ZNF462: variants seen among roughly 807,000 people sequenced by gnomAD.
ZNF462 encodes the protein zinc finger protein 462, also known as zinc finger PBX1-interacting protein.
A neutral mutation model predicts 201.9 loss-of-function variants in ZNF462; 10 were observed. The observed-to-expected ratio is 0.05, with a 90% CI of 0.03 to 0.08. The LOEUF (loss-of-function observed/expected upper bound fraction) is 0.08, where lower values mean the gene tolerates loss of function less well. ZNF462 is among the 10% of genes least tolerant of loss of function. ZNF462 has a pLI of 1.00. For missense variants in ZNF462, 2,523 were observed against 3,168.3 expected, an observed-to-expected ratio of 0.80 and a Z score of 4.89; for synonymous variants, 1,227 against 1,193.3, an observed-to-expected ratio of 1.03 and a Z score of -0.58.
At position 106,919,293 on chromosome 9, in the gene ZNF462, C is replaced by T. The variant is rs770874556; in HGVS notation, c.-30-4061C>T. On this transcript the variant is annotated intron_variant, in intron 1 of 12. Coordinates refer to ENST00000277225, the MANE Select transcript of ZNF462 (RefSeq NM_021224.6). The surrounding 1 kb of genome is among the most constrained non-coding windows in gnomAD (Gnocchi z 4.5). ...ATGCTGTACAATGTCAACACCTCCC[C>T]GCTCCGGTTACGTCTGAGCAGTGAG... 2.0e-5 allele frequency among the ~76,000 whole-genome samples: 3 copies of T among 152,176 alleles called. No individual in the cohort carries two copies. The highest frequency in any genetic ancestry group is 4.8e-5 in the African/African-American group (2 of 41,432).
At position 107,011,970 on chromosome 9, in the gene ZNF462, T is replaced by A. The variant is rs893158003; in HGVS notation, c.*940T>A. On this transcript the variant is annotated 3_prime_UTR_variant, in exon 13 of 13. Transcript: ENST00000277225. The surrounding 1 kb of genome is among the most constrained non-coding windows in gnomAD (Gnocchi z 5.6). ...TTTGAGTGTTACAAACACAGCACAATTCAGTTTTTCATATGAATTGTTTTT... is the reference window on the plus strand; with the variant it reads ...TTTGAGTGTTACAAACACAGCACAAATCAGTTTTTCATATGAATTGTTTTT... The A allele has an allele frequency of 6.6e-6, 1 of 152,120 alleles. No homozygotes were observed. The highest frequency in any genetic ancestry group is 1.5e-5 in the Non-Finnish European group (1 of 68,034). 9.4% of individuals were successfully genotyped at this position (152,120 alleles called of 1,614,324 possible).
chr9:106,878,337 C>T (rs1342906458), intron 1 of ZNF462, among the ~76,000 whole-genome samples: 1 of 152,194 alleles, frequency 6.6e-6, no homozygotes, highest in African/African-American at 2.4e-5. Flanking sequence ...TAGGGGCCAC[C>T]CAATGCCTCT....
chr9:106,935,448 C>T lies in ZNF462; in HGVS notation c.6117-55C>T. ...CTGGAAAAAAAGCAATGAGCAAATC[C>T]TCTATGCAATTTTTAATTTTGTCAT... On this transcript the variant is annotated intron_variant, in intron 5 of 12. Transcript: ENST00000277225. The surrounding 1 kb of genome is among the most constrained non-coding windows in gnomAD (Gnocchi z 4.1). 6.6e-7 allele frequency: 1 copy of T among 1,525,754 alleles called. No individual in the cohort carries two copies. Among genetic ancestry groups the T allele is most frequent in the South Asian group, 1.1e-5 (1 of 88,690 alleles). The allele number at this position is 1,525,754 out of a possible 1,614,324, so 94.5% of individuals were successfully genotyped here.
At chr9:106,995,044 A>T (rs1055042509) in intron 10 of ZNF462, among the ~76,000 whole-genome samples, 5 of 152,154 alleles carry the variant, frequency 3.3e-5, no homozygotes, top group African/African-American at 1.2e-4. Context: ...AAAATGTGGT[A>T]GCATCCATTA....
intron 9 of ZNF462, among the ~76,000 whole-genome samples, chr9:106,980,101 A>C (rs1207813997): frequency 6.6e-6 from 1 of 152,060 alleles, no homozygotes; most frequent in African/African-American, 2.4e-5. Flanking sequence ...TTCTCCAAAT[A>C]CCTTTGCCTG....
chr9:107,007,430 G>A (rs1052670695), intron 11 of ZNF462, among the ~76,000 whole-genome samples: 2 of 152,142 alleles, frequency 1.3e-5, no homozygotes, highest in Admixed American at 1.3e-4. Flanking sequence ...ACTGGAAAAA[G>A]TATAGTGTCC....
rs1829930899 is a variant in ZNF462 at position 107,011,654 on chromosome 9, G to A, written c.*624G>A. ...AGAGAGAACTGCTGGGCAAGATGGT[G>A]AATGGAGAAAAAAAAAGAGTTTTAA... On this transcript the variant is annotated 3_prime_UTR_variant, in exon 13 of 13. Coordinates refer to ENST00000277225, the MANE Select transcript of ZNF462 (RefSeq NM_021224.6). The surrounding 1 kb of genome is among the most constrained non-coding windows in gnomAD (Gnocchi z 5.6). 6.6e-6 allele frequency: 1 copy of A among 151,866 alleles called. No homozygotes were observed. The highest frequency in any genetic ancestry group is 2.4e-5 in the African/African-American group (1 of 41,376). 9.4% of individuals were successfully genotyped at this position (151,866 alleles called of 1,614,324 possible).
At chr9:106,949,578 C>CT (rs999083185) in intron 7 of ZNF462, among the ~76,000 whole-genome samples, 6 of 152,162 alleles carry the variant, frequency 3.9e-5, no homozygotes, top group African/African-American at 1.4e-4. Flanking sequence ...CAACTAATTC[C>CT]TTTTTTTCCA....
intron 6 of ZNF462, among the ~76,000 whole-genome samples, chr9:106,936,076 G>A (rs574575027): frequency 3.3e-5 from 5 of 152,366 alleles, no homozygotes; most frequent in South Asian, 4.1e-4. Context: ...ATATGTTTCC[G>A]TACATAAGAC....
rs1826801114 is a variant in ZNF462 at position 106,974,037 on chromosome 9, G to A, written c.6696-100G>A. 6.7e-7 allele frequency: 1 copy of A among 1,481,700 alleles called. No homozygotes were observed. The highest frequency in any genetic ancestry group is 1.3e-5 in the South Asian group (1 of 79,930). The allele number at this position is 1,481,700 out of a possible 1,614,324, so 91.8% of individuals were successfully genotyped here. A position where few individuals can be genotyped will look rare whatever the true frequency, so the allele number is the denominator to read the frequency against. On this transcript the variant is annotated intron_variant, in intron 8 of 12. Transcript: ENST00000277225. This position sits in a 1 kb window ranked among gnomAD's most constrained non-coding sequence, Gnocchi z 4.0. The stretch of plus-strand genomic sequence containing the variant: ...TTTTTTTAGCCCCACAAGCAGGAGA[G>A]CCGCACTTGGACATATATAACGGGT...
rs1288242844 is a variant in ZNF462 at position 106,890,041 on chromosome 9, T to C, written c.-31+26686T>C. 6.6e-6 allele frequency among the ~76,000 whole-genome samples: 1 copy of C among 152,204 alleles called. No individual in the cohort carries two copies. The highest frequency in any genetic ancestry group is 2.4e-5 in the African/African-American group (1 of 41,444). On this transcript the variant is annotated intron_variant, in intron 1 of 12. Coordinates refer to ENST00000277225, the MANE Select transcript of ZNF462 (RefSeq NM_021224.6). This position sits in a 1 kb window ranked among gnomAD's most constrained non-coding sequence, Gnocchi z 4.2. Reference sequence around the variant, plus strand: ...GTGTGACCATTTCTTTGTTTTATGCTCTAGTGTAGAGCTTGACTCCACCTT... The same window carrying C: ...GTGTGACCATTTCTTTGTTTTATGCCCTAGTGTAGAGCTTGACTCCACCTT...
At position 106,932,335 on chromosome 9, in the gene ZNF462, G is replaced by T. The variant is rs755008509; in HGVS notation, c.6013-111G>T. 2.6e-6 allele frequency: 4 copies of T among 1,566,438 alleles called. 1 individual carries two copies. The highest frequency in any genetic ancestry group is 3.3e-4 in the Middle Eastern group (2 of 6,008). On this transcript the variant is annotated intron_variant, in intron 4 of 12. Coordinates refer to ENST00000277225, the MANE Select transcript of ZNF462 (RefSeq NM_021224.6). The surrounding 1 kb of genome is among the most constrained non-coding windows in gnomAD (Gnocchi z 6.8). ...AGCCAAAGACGCCAGTGGCGCCCTGGTGGGCCGGGTGGATGGTGAACACTG... is the reference window on the plus strand; with the variant it reads ...AGCCAAAGACGCCAGTGGCGCCCTGTTGGGCCGGGTGGATGGTGAACACTG...
At chr9:107,004,316 T>C (rs1437374950) in intron 11 of ZNF462, among the ~76,000 whole-genome samples, 6 of 152,222 alleles carry the variant, frequency 3.9e-5, no homozygotes, top group African/African-American at 1.4e-4. Context: ...AGCATCATTA[T>C]GTGCTAGCCT....
At chr9:106,881,586 G>A (rs1449562286) in intron 1 of ZNF462, among the ~76,000 whole-genome samples, 6 of 152,174 alleles carry the variant, frequency 3.9e-5, no homozygotes, top group Non-Finnish European at 8.8e-5. Flanking sequence ...CTTTGAGTTT[G>A]TATTAAACAC....
chr9:106,910,525 T>A (rs932425265), intron 1 of ZNF462, among the ~76,000 whole-genome samples: 1 of 152,132 alleles, frequency 6.6e-6, no homozygotes, highest in Non-Finnish European at 1.5e-5. Context: ...TCTTGATGGC[T>A]TGACTTGCTT....
intron 10 of ZNF462, among the ~76,000 whole-genome samples, chr9:107,002,677 T>C (rs1278755700): frequency 6.6e-6 from 1 of 152,182 alleles, no homozygotes; most frequent in Non-Finnish European, 1.5e-5. Context: ...TAGGTTTTTC[T>C]CAGATAATCC....
At chr9:106,969,377 C>T (rs746673187) in intron 7 of ZNF462, among the ~76,000 whole-genome samples, 1 of 152,086 alleles carries the variant, frequency 6.6e-6, no homozygotes, top group Non-Finnish European at 1.5e-5. Context: ...TGTATAAATA[C>T]CAGAGTTAAA....
In ZNF462 at chr9:106,927,109, C is replaced by T; in HGVS notation, c.3197C>T (p.Thr1066Ile). The T allele has an allele frequency of 6.2e-7, 1 of 1,614,160 alleles. No homozygotes were observed. Among genetic ancestry groups the T allele is most frequent in the Non-Finnish European group, 8.5e-7 (1 of 1,180,040 alleles). ...GCTTCCTACTTTAGGATCCAGAAAA[C>T]TATGCGAATGGTGTCTGTGGACAGG... ...EKASYFRIQK[T>I]MRMVSVDRGS... The change falls in exon 3 of 13, where the codon ACT (threonine) becomes ATT (isoleucine). Residue 1066 changes from threonine (T) to isoleucine (I), a missense_variant. This residue lies in a region of ZNF462 where 280 missense variants were observed against 321.3 expected (regional missense o/e 0.87). Transcript: ENST00000277225.
In ZNF462 at chr9:106,876,194, T is replaced by C. The variant is rs1192418297; in HGVS notation, c.-31+12839T>C. Reference sequence around the variant, plus strand: ...TTGAGTAAGTCATTTATCCTTTCTGTCCCCATGATTTCCTACCCAGTAAAA... The same window carrying C: ...TTGAGTAAGTCATTTATCCTTTCTGCCCCCATGATTTCCTACCCAGTAAAA... On this transcript the variant is annotated intron_variant, in intron 1 of 12. Coordinates refer to ENST00000277225, the MANE Select transcript of ZNF462 (RefSeq NM_021224.6). The surrounding 1 kb of genome is among the most constrained non-coding windows in gnomAD (Gnocchi z 4.9). 6.6e-6 allele frequency among the ~76,000 whole-genome samples: 1 copy of C among 152,154 alleles called. No individual in the cohort carries two copies. The highest frequency in any genetic ancestry group is 1.5e-5 in the Non-Finnish European group (1 of 68,020).
Sources: allele counts gnomAD v4.1 joint callset (sites outside exome capture counted in the v4.1 genomes callset), GRCh38; gene constraint gnomAD v4.1.1; regional missense constraint gnomAD v4.1.1; non-coding constraint Gnocchi (gnomAD v3.1); transcripts MANE v1.5; gene names NCBI Gene and HGNC (gene_info 2026-07-23, HGNC 2026-07-21).